ANKS1B: variants seen among roughly 807,000 people sequenced by gnomAD.
The protein encoded by ANKS1B is ankyrin repeat and sterile alpha motif domain containing 1B.
In ANKS1B, 36 loss-of-function variants were observed where a neutral mutation model predicts 148.3. That is an observed-to-expected ratio of 0.24 (90% confidence interval 0.19 to 0.32). ANKS1B has a LOEUF of 0.32. Ranked by LOEUF, ANKS1B falls within the 10% of genes least tolerant of loss-of-function variation. The pLI is 1.00. For synonymous variants in ANKS1B, 542 were observed against 560.8 expected (o/e 0.97, Z 0.47); for missense variants, 1,157 against 1,542.6 (o/e 0.75, Z 4.19).
intron 5 of ANKS1B, among the ~76,000 whole-genome samples, chr12:99,780,709 T>C (rs75753096): frequency 0.012 from 1,877 of 152,294 alleles, 44 homozygotes; most frequent in African/African-American, 0.042. Context: ...CTCTGTACAA[T>C]ATGGTAAAAA....
At chr12:99,307,535 GATT>G (rs1402530093) in intron 12 of ANKS1B, among the ~76,000 whole-genome samples, 1 of 151,998 alleles carries the variant, frequency 6.6e-6, no homozygotes, top group Admixed American at 6.6e-5. Context: ...CAAAGAAAAA[GATT>G]ATAATAAGAG....
intron 12 of ANKS1B, among the ~76,000 whole-genome samples, chr12:99,323,603 C>T (rs890148408): frequency 2.6e-5 from 4 of 152,188 alleles, no homozygotes; most frequent in Non-Finnish European, 5.9e-5. Flanking sequence ...CCTTTAATGA[C>T]TATCACTTGC....
At chr12:99,665,942 G>C (rs1382802247) in intron 8 of ANKS1B, among the ~76,000 whole-genome samples, 1 of 151,884 alleles carries the variant, frequency 6.6e-6, no homozygotes, top group African/African-American at 2.4e-5. Flanking sequence ...TAAGATTTTT[G>C]CTTTTACATT....
chr12:99,857,853 G>A (rs2153713713), intron 1 of ANKS1B, among the ~76,000 whole-genome samples: 1 of 152,258 alleles, frequency 6.6e-6, no homozygotes, highest in Non-Finnish European at 1.5e-5. Context: ...AATGAAACTG[G>A]ATCCTTGTCT....
intron 12 of ANKS1B, among the ~76,000 whole-genome samples, chr12:99,248,211 G>A (rs543484644): frequency 1.2e-4 from 19 of 152,188 alleles, no homozygotes; most frequent in Non-Finnish European, 1.0e-4. Flanking sequence ...CTCAGAAGAT[G>A]CTACAGGCAC....
At chr12:99,661,977 G>A (rs2098479692) in intron 8 of ANKS1B, among the ~76,000 whole-genome samples, 1 of 152,112 alleles carries the variant, frequency 6.6e-6, no homozygotes, top group Non-Finnish European at 1.5e-5. Flanking sequence ...AGTATCCTTG[G>A]AACTAGAGGA....
At chr12:98,865,041 C>A (rs2099617577) in intron 17 of ANKS1B, among the ~76,000 whole-genome samples, 1 of 152,172 alleles carries the variant, frequency 6.6e-6, no homozygotes, top group South Asian at 2.1e-4. Context: ...TCTAACCTCA[C>A]TGTTGTTTTC....
At chr12:99,578,906 A>T (rs1373584259) in intron 9 of ANKS1B, among the ~76,000 whole-genome samples, 2 of 152,190 alleles carry the variant, frequency 1.3e-5, no homozygotes, top group South Asian at 2.1e-4. Flanking sequence ...ATCCTAAACA[A>T]AAAGAACAAT....
chr12:98,791,557 T>A (rs1251884416), intron 22 of ANKS1B, among the ~76,000 whole-genome samples: 2 of 151,868 alleles, frequency 1.3e-5, no homozygotes, highest in Non-Finnish European at 2.9e-5. Flanking sequence ...ACAGAGAATT[T>A]TTTTTTAAAG....
chr12:99,631,957 AT>A (rs2098165231), intron 9 of ANKS1B, among the ~76,000 whole-genome samples: 1 of 152,174 alleles, frequency 6.6e-6, no homozygotes. Flanking sequence ...GCCAGGTGCT[AT>A]TCCTCAAGAA....
At chr12:99,252,187 T>C (rs771107999) in intron 12 of ANKS1B, among the ~76,000 whole-genome samples, 24 of 152,114 alleles carry the variant, frequency 1.6e-4, no homozygotes, top group Non-Finnish European at 2.9e-5. Context: ...TTTCAAGGCA[T>C]AGGAAAGAAG....
intron 1 of ANKS1B, among the ~76,000 whole-genome samples, chr12:99,885,464 C>G (rs1293979973): frequency 6.6e-6 from 1 of 151,972 alleles, no homozygotes; most frequent in Non-Finnish European, 1.5e-5. Flanking sequence ...CCATGCCCAG[C>G]TAATTTTTTT....
intron 8 of ANKS1B, among the ~76,000 whole-genome samples, chr12:99,660,329 G>A (rs1567586533): frequency 6.6e-6 from 1 of 151,268 alleles, no homozygotes; most frequent in Non-Finnish European, 1.5e-5. Context: ...ATACACCAAA[G>A]AGTATGCCTA....
chr12:98,948,746 C>G (rs1181677668), intron 17 of ANKS1B, among the ~76,000 whole-genome samples: 1 of 149,176 alleles, frequency 6.7e-6, no homozygotes, highest in East Asian at 2.0e-4. Flanking sequence ...CTCTCTCTCT[C>G]TCTGTCTCTC....
At chr12:99,288,101 T>G (rs2079388072) in intron 12 of ANKS1B, among the ~76,000 whole-genome samples, 2 of 152,110 alleles carry the variant, frequency 1.3e-5, no homozygotes, top group Non-Finnish European at 1.5e-5. Context: ...CAAAGAAGAC[T>G]ACTTTAAGTC....
chr12:99,852,064 C>G (rs2087962451), intron 1 of ANKS1B, among the ~76,000 whole-genome samples: 1 of 152,026 alleles, frequency 6.6e-6, no homozygotes, highest in East Asian at 1.9e-4. Context: ...CTCAGTCTAG[C>G]TAAAAATAAA....
At chr12:99,857,678 T>TA (rs1426613584) in intron 1 of ANKS1B, among the ~76,000 whole-genome samples, 6 of 152,032 alleles carry the variant, frequency 3.9e-5, no homozygotes, top group Non-Finnish European at 8.8e-5. Context: ...AGTACTGGTA[T>TA]AAAAATAGGT....
At chr12:99,387,103 G>A (rs1593671195) in intron 12 of ANKS1B, among the ~76,000 whole-genome samples, 1 of 152,168 alleles carries the variant, frequency 6.6e-6, no homozygotes, top group South Asian at 2.1e-4. Context: ...TGCAATAGTC[G>A]AAGCATGTGA....
intron 17 of ANKS1B, among the ~76,000 whole-genome samples, chr12:98,858,798 GATGTCCA>G (rs2099584657): frequency 6.6e-6 from 1 of 152,166 alleles, no homozygotes; most frequent in Admixed American, 6.5e-5. Flanking sequence ...TGGAAGCTGT[GATGTCCA>G]ATGTATGCTC....
Sources: allele counts gnomAD v4.1 joint callset (sites outside exome capture counted in the v4.1 genomes callset), GRCh38; gene constraint gnomAD v4.1.1; transcripts MANE v1.5; gene names NCBI Gene and HGNC (gene_info 2026-07-23, HGNC 2026-07-21).